Variants in SPTBN4 observed in about 807,000 individuals in gnomAD.
SPTBN4 encodes spectrin beta chain, non-erythrocytic 4.
SPTBN4 carries 96 observed loss-of-function variants against 277.8 expected under a neutral mutation model. The ratio of observed to expected loss-of-function variants is 0.35; its 90% CI spans 0.29 to 0.41. SPTBN4 has a LOEUF of 0.41. Among genes scored for constraint, SPTBN4 ranks in the 10% least tolerant of loss-of-function variants. The probability of loss-of-function intolerance (pLI) is 1.00; values close to 1 mark genes in which losing one functional copy is unlikely to be tolerated. For synonymous variants in SPTBN4, 1,481 were observed against 1,580.3 expected (o/e 0.94, Z 1.49); for missense variants, 3,006 against 3,595.7 (o/e 0.84, Z 4.19).
chr19:40,494,559 T>C (rs894455896), intron 5 of SPTBN4, among the ~76,000 whole-genome samples: 1 of 152,012 alleles, frequency 6.6e-6, no homozygotes, highest in Admixed American at 6.6e-5. Flanking sequence ...TGTATCTATC[T>C]ATCTATCTTC....
At chr19:40,508,201 G>A (rs62107050) in intron 13 of SPTBN4, among the ~76,000 whole-genome samples, 2 of 152,052 alleles carry the variant, frequency 1.3e-5, no homozygotes, top group African/African-American at 4.8e-5. Context: ...AGAGAGGGAC[G>A]GCCTTACCAG....
intron 5 of SPTBN4, among the ~76,000 whole-genome samples, chr19:40,493,869 C>G (rs1189954424): frequency 6.6e-6 from 1 of 152,194 alleles, no homozygotes; most frequent in African/African-American, 2.4e-5. Flanking sequence ...CCCATTTCAT[C>G]CTACATTTCA....
At chr19:40,480,144 G>A (rs186931352) in intron 2 of SPTBN4, among the ~76,000 whole-genome samples, 9 of 151,856 alleles carry the variant, frequency 5.9e-5, no homozygotes, top group Admixed American at 3.3e-4. Context: ...CCAGCTGCAC[G>A]TGAGGCTGAG....
At position 40,529,196 on chromosome 19, in the gene SPTBN4, G is replaced by T. The variant is rs570471785; in HGVS notation, c.3948+65G>T. 3.7e-4 allele frequency: 542 copies of T among 1,476,472 alleles called. 4 individuals are homozygous for T. In the South Asian group the frequency reaches 5.8e-3, roughly 16 times the overall value. The allele number at this position is 1,476,472 out of a possible 1,614,324, so 91.5% of individuals were successfully genotyped here. ...TTAGTCGGGAGGGAAGTGCTTCTCG[G>T]CCGAGGTGGGGGTGGGGACGCCCCG... is the stretch of plus-strand genomic sequence containing the variant. On this transcript the variant is annotated intron_variant, in intron 18 of 35. Transcript: ENST00000598249.
At chr19:40,556,887 C>T (rs1363625681) in intron 25 of SPTBN4, 136 bp from the exon 26 acceptor site, 1 of 1,144,856 alleles carries the variant, frequency 8.7e-7, no homozygotes, top group East Asian at 2.9e-5. Flanking sequence ...GCTATTGAAC[C>T]ACTGCACGCC....
chr19:40,539,031 G>C (rs2080769798), intron 20 of SPTBN4, among the ~76,000 whole-genome samples: 2 of 152,142 alleles, frequency 1.3e-5, no homozygotes, highest in Admixed American at 1.3e-4. Flanking sequence ...CACAGGGCAG[G>C]GTGAAGAAGC....
At chr19:40,547,521 T>A (rs918200936) in intron 20 of SPTBN4, among the ~76,000 whole-genome samples, 9 of 152,190 alleles carry the variant, frequency 5.9e-5, no homozygotes, top group Non-Finnish European at 1.2e-4. Context: ...GTAGCATGAT[T>A]TATAATCCTT....
intron 20 of SPTBN4, among the ~76,000 whole-genome samples, chr19:40,543,177 A>C (rs2080820537): frequency 6.6e-6 from 1 of 152,128 alleles, no homozygotes. Context: ...GTGGCCGGGC[A>C]CAGTGGCTCA....
At chr19:40,557,805 C>T (rs2145937356) in intron 26 of SPTBN4, among the ~76,000 whole-genome samples, 1 of 150,628 alleles carries the variant, frequency 6.6e-6, no homozygotes, top group African/African-American at 2.4e-5. Context: ...GTAATCCCAG[C>T]TACTTGGGAG....
intron 27 of SPTBN4, 28 bp from the exon 28 acceptor site, chr19:40,565,395 T>G: frequency 6.3e-7 from 1 of 1,599,782 alleles, no homozygotes; most frequent in Non-Finnish European, 8.5e-7. Context: ...TCCCTGTGGC[T>G]CAGATCCCTG....
chr19:40,520,099 A>G lies in SPTBN4; in HGVS notation c.3602A>G (p.Tyr1201Cys), dbSNP rs758852085. Residue 1201 changes from tyrosine to cysteine, a missense_variant, in exon 16 of 36, where the codon TAC becomes TGC. Tyr to Cys is a radical substitution (Grantham distance 194). Around this residue, in one of 5 missense-constraint regions of SPTBN4, gnomAD observed 1,759 missense variants for 2,061.5 expected, o/e 0.85. Transcript: ENST00000598249. ...RREALVQAHI[Y>C]QLFLRDLRQA... ...GAGGCGCTGGTCCAGGCGCACATCT[A>G]CCAGCTCTTCCTGCGGGATCTACGC... 60 of 1,478,282 alleles carry G rather than the reference A, an allele frequency of 4.1e-5. No individual in the cohort carries two copies. Among genetic ancestry groups the G allele is most frequent in the Middle Eastern group, 3.6e-4 (2 of 5,514 alleles). The allele number at this position is 1,478,282 out of a possible 1,614,324, so 91.6% of individuals were successfully genotyped here. A position where few individuals can be genotyped will look rare whatever the true frequency, so the allele number is the denominator to read the frequency against.
At chr19:40,536,117 A>G (rs2080732598) in intron 20 of SPTBN4, among the ~76,000 whole-genome samples, 1 of 152,100 alleles carries the variant, frequency 6.6e-6, no homozygotes, top group Non-Finnish European at 1.5e-5. Context: ...CAAAAAGACA[A>G]ACAGATCTGA....
At chr19:40,480,023 G>A (rs953468708) in intron 2 of SPTBN4, among the ~76,000 whole-genome samples, 6 of 151,762 alleles carry the variant, frequency 4.0e-5, no homozygotes, top group Admixed American at 2.0e-4. Flanking sequence ...AGGCAGAGGC[G>A]GATGGATCAC....
In SPTBN4 at chr19:40,497,588, G is replaced by A; in HGVS notation, c.768G>A (p.Arg256=). The A allele has an allele frequency of 6.2e-7, 1 of 1,613,736 alleles. No homozygotes were observed. Among genetic ancestry groups the A allele is most frequent in the Non-Finnish European group, 8.5e-7 (1 of 1,179,992 alleles). The change falls in exon 7 of 36, where the codon CGG becomes CGA. Residue 256 remains arginine, a synonymous_variant. Coordinates refer to ENST00000598249, the MANE Select transcript of SPTBN4 (RefSeq NM_020971.3). The part of the protein sequence containing the change: ...RTAEQHLGLA[R]LLDPEDVNME... The stretch of plus-strand genomic sequence containing the variant: ...CTGAGCAGCACCTGGGGCTGGCGCG[G>A]CTGCTGGATCCTGAAGGTGAGCCTC...
chr19:40,501,281 TG>T (rs1294255736), intron 7 of SPTBN4, among the ~76,000 whole-genome samples: 2 of 145,870 alleles, frequency 1.4e-5, no homozygotes, highest in Non-Finnish European at 3.0e-5. Flanking sequence ...GAAGAATAAG[TG>T]GGAATTAGGA....
chr19:40,570,794 T>C (rs2081148403), intron 33 of SPTBN4, 66 bp downstream of exon 33: 1 of 1,542,610 alleles, frequency 6.5e-7, no homozygotes, highest in African/African-American at 1.4e-5. Context: ...CGTGGAGCGG[T>C]GGGACTGAGG....
chr19:40,551,399 TCA>T (rs71173651), intron 22 of SPTBN4, among the ~76,000 whole-genome samples: 15,325 of 140,392 alleles, frequency 0.11, 924 homozygotes, highest in Non-Finnish European at 0.16. Context: ...TCTCTCTCTC[TCA>T]CACACACACA....
intron 4 of SPTBN4, among the ~76,000 whole-genome samples, chr19:40,492,249 T>A (rs2080147242): frequency 1.3e-5 from 2 of 151,756 alleles, no homozygotes; most frequent in Non-Finnish European, 2.9e-5. Flanking sequence ...CTCAGAGCTC[T>A]GGCCTGGGGA....
chr19:40,471,290 C>A (rs1245896718), intron 1 of SPTBN4, among the ~76,000 whole-genome samples: 1 of 152,022 alleles, frequency 6.6e-6, no homozygotes, highest in African/African-American at 2.4e-5. Context: ...GGCTGTGTAA[C>A]CTTGGAAAAA....
Sources: gnomAD v4.1 joint callset for allele counts (sites outside exome capture counted in the v4.1 genomes callset) on GRCh38, gnomAD v4.1.1 for gene constraint, gnomAD v4.1.1 regional missense constraint, MANE v1.5 for transcripts, NCBI Gene and HGNC (gene_info 2026-07-23, HGNC 2026-07-21) for gene names.